TEKT5: variants seen among roughly 807,000 people sequenced by gnomAD.
TEKT5 encodes the protein tektin 5, also known as tektin-5.
TEKT5 carries 52 observed loss-of-function variants against 48.7 expected under a neutral mutation model. The ratio of observed to expected loss-of-function variants is 1.07; its 90% confidence interval spans 0.86 to 1.35. The LOEUF (loss-of-function observed/expected upper bound fraction) is 1.35, where lower values mean the gene tolerates loss of function less well. Among genes scored for constraint, TEKT5 ranks in the 40% most tolerant of loss-of-function variants. TEKT5 has a pLI of 0.00. For synonymous variants in TEKT5, 318 were observed against 267.6 expected, an observed-to-expected ratio of 1.19 and a Z score of -1.84; for missense variants, 831 against 641.6, an observed-to-expected ratio of 1.30 and a Z score of -3.19.
chr16:10,633,351 A>C (rs1443117154), intron 6 of TEKT5, among the ~76,000 whole-genome samples: 1 of 151,852 alleles, frequency 6.6e-6, no homozygotes, highest in African/African-American at 2.4e-5. Flanking sequence ...ACAGAGCAAG[A>C]CTCAATTAAA....
Position 10,628,823 on chromosome 16 carries a change from T to C in TEKT5, c.1242-1024A>G, listed in dbSNP as rs117580113. Among the ~76,000 whole-genome samples the C allele has an allele frequency of 6.7e-4, 101 of 150,458 alleles. 2 individuals carry two copies. The East Asian group carries it at 0.018, about 26-fold the overall frequency. ...CGAGAGGCTGAGGTGGGAGAAGCTC[T>C]TGAACCCGGGAGTCAGAGGTTGCAG... On this transcript the variant is annotated intron_variant, in intron 6 of 6. Transcript: ENST00000283025.
chr16:10,669,385 G>A (rs1455247454), intron 5 of TEKT5, among the ~76,000 whole-genome samples: 1 of 152,134 alleles, frequency 6.6e-6, no homozygotes, highest in African/African-American at 2.4e-5. Context: ...CTTGAACCTG[G>A]CAGGCGGAGG....
At chr16:10,639,843 C>T (rs1445726109) in intron 5 of TEKT5, among the ~76,000 whole-genome samples, 1 of 152,166 alleles carries the variant, frequency 6.6e-6, no homozygotes, top group Non-Finnish European at 1.5e-5. Context: ...GGGTCCAGGC[C>T]CACCTGTCCC....
rs748833474 is a variant in TEKT5, at chr16:10,657,424, G to A, written c.1086+18535C>T. Among the ~76,000 whole-genome samples, 18 of 152,158 alleles carry A rather than the reference G, an allele frequency of 1.2e-4. No individual in the cohort carries two copies. In the Middle Eastern group the frequency reaches 0.01, roughly 86 times the overall value. ...ATTACAGGCATGAGCCACCATGCCC[G>A]GCCTAGAGCTGCTTTTAAACAACTG... On this transcript the variant is annotated intron_variant, in intron 5 of 6. Coordinates refer to ENST00000283025, the MANE Select transcript of TEKT5 (RefSeq NM_144674.2).
intron 1 of TEKT5, among the ~76,000 whole-genome samples, chr16:10,693,968 TA>T (rs1415554583): frequency 4.6e-5 from 7 of 152,202 alleles, no homozygotes; most frequent in Non-Finnish European, 8.8e-5. Context: ...AGACTCTGTG[TA>T]AAAAATAAAT....
At chr16:10,679,627 G>A (rs969161076) in intron 4 of TEKT5, among the ~76,000 whole-genome samples, 23 of 152,128 alleles carry the variant, frequency 1.5e-4, no homozygotes, top group African/African-American at 5.6e-4. Flanking sequence ...AGGGGTGGTG[G>A]CTCACACCTG....
At chr16:10,660,853 G>A (rs2018342) in intron 5 of TEKT5, among the ~76,000 whole-genome samples, 60,407 of 151,766 alleles carry the variant, frequency 0.4, 12,207 homozygotes, top group Middle Eastern at 0.46. Context: ...GGCCCACACC[G>A]CCACGCACGG....
At chr16:10,641,003 T>C (rs35928320) in intron 5 of TEKT5, among the ~76,000 whole-genome samples, 13,057 of 152,200 alleles carry the variant, frequency 0.086, 737 homozygotes, top group East Asian at 0.2. Flanking sequence ...AGGAGTGGAA[T>C]AGCTGGATCA....
chr16:10,651,276 C>G (rs1220685961), intron 5 of TEKT5, among the ~76,000 whole-genome samples: 1 of 152,192 alleles, frequency 6.6e-6, no homozygotes, highest in Non-Finnish European at 1.5e-5. Context: ...CCCTGACCAT[C>G]CCAGTTTAAA....
Position 10,690,021 on chromosome 16 carries a change from G to T in TEKT5, c.569C>A (p.Ala190Asp). The T allele has an allele frequency of 1.2e-6, 2 of 1,613,924 alleles. No individual in the cohort carries two copies. The highest frequency in any genetic ancestry group is 1.7e-6 in the Non-Finnish European group (2 of 1,179,994). ...CTCTCGATGGTACAGACACTCCAAG[G>T]CCACCTGTGGGAAGCAGCAGAAAGA... ...ANEVNCPLQV[A>D]LECLYHREKR... Residue 190 changes from alanine to aspartate, a missense_variant, in exon 2 of 7, where the codon GCC becomes GAC. By Grantham distance (126) the Ala-to-Asp change is moderately radical. Transcript: ENST00000283025.
At chr16:10,690,499 G>GCACCA in intron 1 of TEKT5, 1 of 897,048 alleles carries the variant, frequency 1.1e-6, no homozygotes, top group Non-Finnish European at 1.3e-6. Flanking sequence ...CTCCTCTGCA[G>GCACCA]ATGGGTGCCA....
intron 5 of TEKT5, among the ~76,000 whole-genome samples, chr16:10,650,816 C>T (rs988074227): frequency 2.0e-5 from 3 of 149,070 alleles, no homozygotes; most frequent in Non-Finnish European, 4.4e-5. Context: ...ACCTGGGAGG[C>T]GGAGGTTACA....
chr16:10,640,515 C>T (rs1897979133), intron 5 of TEKT5, among the ~76,000 whole-genome samples: 1 of 152,108 alleles, frequency 6.6e-6, no homozygotes, highest in African/African-American at 2.4e-5. Context: ...TTACAATTAG[C>T]TGAGGTTTGA....
rs140226815 is a variant in TEKT5, at chr16:10,641,071, T to C, written c.1087-5153A>G. Among the ~76,000 whole-genome samples the C allele has an allele frequency of 1.9e-3, 288 of 152,330 alleles. 1 individual carries two copies. The highest frequency in any genetic ancestry group is 6.6e-3 in the African/African-American group (274 of 41,588). On this transcript the variant is annotated intron_variant, in intron 5 of 6. Transcript: ENST00000283025. ...CTGTCAAAGTTTTCCCCCAGGTTTC[T>C]TGTTTTCATTCCCACCAGCAGTATT... is the stretch of plus-strand genomic sequence containing the variant.
intron 5 of TEKT5, among the ~76,000 whole-genome samples, chr16:10,671,046 G>A (rs1898541220): frequency 6.6e-6 from 1 of 152,066 alleles, no homozygotes; most frequent in Non-Finnish European, 1.5e-5. Context: ...AAAAGGTTTT[G>A]CTCTCCCCAC....
chr16:10,639,888 C>G (rs1249697392), intron 5 of TEKT5, among the ~76,000 whole-genome samples: 1 of 152,190 alleles, frequency 6.6e-6, no homozygotes, highest in African/African-American at 2.4e-5. Context: ...ATCCTAGTGC[C>G]TGCTCCCAGA....
At chr16:10,651,854 T>G (rs563107356) in intron 5 of TEKT5, among the ~76,000 whole-genome samples, 4 of 151,912 alleles carry the variant, frequency 2.6e-5, no homozygotes, top group Non-Finnish European at 5.9e-5. Context: ...CCAAGCTACT[T>G]GAGAGGCTGA....
chr16:10,638,937 C>T (rs988729442), intron 5 of TEKT5, among the ~76,000 whole-genome samples: 3 of 152,114 alleles, frequency 2.0e-5, no homozygotes, highest in South Asian at 4.1e-4. Flanking sequence ...TGTTCAATAC[C>T]GTCTACCTTT....
At chr16:10,682,326 T>C (rs1898771426) in intron 3 of TEKT5, among the ~76,000 whole-genome samples, 190 bp from the exon 4 acceptor site, 1 of 146,030 alleles carries the variant, frequency 6.8e-6, no homozygotes, top group South Asian at 2.2e-4. Flanking sequence ...ATTTGTCCTT[T>C]ATTCTTTTTT....
Sources: gnomAD v4.1 joint callset for allele counts (sites outside exome capture counted in the v4.1 genomes callset) on GRCh38, gnomAD v4.1.1 for gene constraint, MANE v1.5 for transcripts, NCBI Gene and HGNC (gene_info 2026-07-23, HGNC 2026-07-21) for gene names.